The following ROBO2 variants were observed in gnomAD, a reference collection of about 807,000 sequenced individuals.
ROBO2 encodes the protein roundabout guidance receptor 2.
In ROBO2, 53 loss-of-function variants were observed where a neutral mutation model predicts 160.8. The ratio of observed to expected loss-of-function variants is 0.33; its 90% CI spans 0.26 to 0.41. The LOEUF (loss-of-function observed/expected upper bound fraction) is 0.41, where lower values mean the gene tolerates loss of function less well. Ranked by LOEUF, ROBO2 falls within the 10% of genes least tolerant of loss-of-function variation. The pLI, the probability that ROBO2 is intolerant of heterozygous loss-of-function variation, is 1.00. For synonymous variants in ROBO2, 664 were observed against 611.7 expected, an observed-to-expected ratio of 1.09 and a Z score of -1.26; for missense variants, 1,577 against 1,722.4, an observed-to-expected ratio of 0.92 and a Z score of 1.49.
At chr3:76,870,334 A>G (rs2071892725) in intron 2 of ROBO2, among the ~76,000 whole-genome samples, 2 of 152,228 alleles carry the variant, frequency 1.3e-5, no homozygotes, top group African/African-American at 4.8e-5. Flanking sequence ...ATTTAAAATC[A>G]TAAATTCACA....
At chr3:76,131,086 T>A (rs1336072323) in intron 2 of ROBO2, among the ~76,000 whole-genome samples, 1 of 152,188 alleles carries the variant, frequency 6.6e-6, no homozygotes, top group Non-Finnish European at 1.5e-5. Context: ...TTGTTACATT[T>A]ATAAAGACTG....
chr3:76,316,630 G>T (rs1262789877), intron 2 of ROBO2, among the ~76,000 whole-genome samples: 2 of 152,138 alleles, frequency 1.3e-5, no homozygotes, highest in Non-Finnish European at 1.5e-5. Context: ...CGCAGCTCAT[G>T]AAGTTAACAG....
intron 2 of ROBO2, among the ~76,000 whole-genome samples, chr3:76,894,013 T>G (rs1029703342): frequency 6.6e-6 from 1 of 152,154 alleles, no homozygotes; most frequent in Non-Finnish European, 1.5e-5. Context: ...CTAACTGATA[T>G]GGAAAAGTTT....
At chr3:76,366,233 G>A (rs1215672320) in intron 2 of ROBO2, among the ~76,000 whole-genome samples, 1 of 151,920 alleles carries the variant, frequency 6.6e-6, no homozygotes, top group African/African-American at 2.4e-5. Flanking sequence ...ATTTAAGGTG[G>A]AATACTCCTC....
At chr3:77,231,856 G>A (rs967426195) in intron 2 of ROBO2, among the ~76,000 whole-genome samples, 5 of 152,046 alleles carry the variant, frequency 3.3e-5, no homozygotes, top group Admixed American at 1.3e-4. Context: ...TTAAGAATCT[G>A]GCCTCTATCC....
chr3:77,456,151 CAT>C (rs1553964611), intron 2 of ROBO2, among the ~76,000 whole-genome samples: 4 of 152,090 alleles, frequency 2.6e-5, no homozygotes, highest in Non-Finnish European at 5.9e-5. Context: ...GAAAACCACA[CAT>C]AAATAGAACT....
chr3:76,256,412 T>A (rs1200249596), intron 2 of ROBO2, among the ~76,000 whole-genome samples: 1 of 148,114 alleles, frequency 6.8e-6, no homozygotes, highest in Non-Finnish European at 1.5e-5. Flanking sequence ...GATTAAATTG[T>A]ATTAATTAGT....
intron 2 of ROBO2, among the ~76,000 whole-genome samples, chr3:76,437,771 T>C (rs2076752006): frequency 6.6e-6 from 1 of 152,160 alleles, no homozygotes; most frequent in Non-Finnish European, 1.5e-5. Context: ...AAAAAGGTGA[T>C]ATTGCTTCTA....
At chr3:77,558,241 C>G in intron 9 of ROBO2, 92 bp downstream of exon 10, 1 of 992,552 alleles carries the variant, frequency 1.0e-6, no homozygotes, top group Non-Finnish European at 1.6e-6. Context: ...ATCTTACATC[C>G]TAGTATAATT....
At chr3:77,240,369 C>A (rs1045514578) in intron 2 of ROBO2, among the ~76,000 whole-genome samples, 1 of 152,160 alleles carries the variant, frequency 6.6e-6, no homozygotes, top group Non-Finnish European at 1.5e-5. Context: ...CAGTGCCAGT[C>A]GCCCGCTCCG....
intron 8 of ROBO2, among the ~76,000 whole-genome samples, chr3:77,551,417 C>T (rs889072168): frequency 6.6e-6 from 1 of 151,892 alleles, no homozygotes; most frequent in African/African-American, 2.4e-5. Flanking sequence ...TTAGGACATT[C>T]CTATGATTTT....
intron 2 of ROBO2, among the ~76,000 whole-genome samples, chr3:76,922,807 T>C (rs570263694): frequency 6.6e-6 from 1 of 152,190 alleles, no homozygotes; most frequent in East Asian, 1.9e-4. Flanking sequence ...TGTAAAGGCC[T>C]CGTGCTCCAC....
chr3:77,020,170 A>G (rs904852533), intron 2 of ROBO2, among the ~76,000 whole-genome samples: 1 of 152,244 alleles, frequency 6.6e-6, no homozygotes, highest in Admixed American at 6.5e-5. Context: ...TTGAGAAAAT[A>G]CTTTAGAAAT....
intron 2 of ROBO2, among the ~76,000 whole-genome samples, chr3:77,358,308 G>A (rs2069423065): frequency 6.6e-6 from 1 of 152,136 alleles, no homozygotes. Context: ...TCCTTCCTCT[G>A]TTCTCTCATT....
chr3:77,154,560 C>T (rs375732031), intron 2 of ROBO2, among the ~76,000 whole-genome samples: 3 of 151,904 alleles, frequency 2.0e-5, no homozygotes, highest in African/African-American at 7.3e-5. Context: ...AACCAAAAGG[C>T]GCATGCACTG....
chr3:76,470,809 C>G (rs571801309), intron 2 of ROBO2, among the ~76,000 whole-genome samples: 87 of 152,130 alleles, frequency 5.7e-4, no homozygotes, highest in African/African-American at 1.9e-3. Context: ...TGTTACTTCA[C>G]GTAACATACA....
At chr3:76,130,757 TA>T (rs2071193253) in intron 2 of ROBO2, among the ~76,000 whole-genome samples, 1 of 152,148 alleles carries the variant, frequency 6.6e-6, no homozygotes, top group Admixed American at 6.6e-5. Context: ...ATTCATGTTC[TA>T]AAAAAATTAG....
chr3:77,457,235 A>G (rs979700581), intron 2 of ROBO2, among the ~76,000 whole-genome samples: 12 of 152,142 alleles, frequency 7.9e-5, no homozygotes, highest in African/African-American at 2.9e-4. Flanking sequence ...TGTCAGAAAC[A>G]GGTGATTTTG....
In ROBO2 at chr3:76,748,630, C is replaced by A. The variant is rs533907008; in HGVS notation, c.110-349384C>A. 2.0e-5 allele frequency among the ~76,000 whole-genome samples: 3 copies of A among 151,682 alleles called. No individual in the cohort carries two copies. The South Asian group carries it at 6.2e-4, about 31-fold the overall frequency. The stretch of plus-strand genomic sequence containing the variant: ...ATTTAATTTAAATGGGACTTAAAGA[C>A]AAATTAAAACAAGTGGGTACATTTT... On this transcript the variant is annotated intron_variant, in intron 2 of 26. Coordinates refer to the ROBO2 transcript ENST00000487694.
Sources: allele counts gnomAD v4.1 joint callset (sites outside exome capture counted in the v4.1 genomes callset), GRCh38; gene constraint gnomAD v4.1.1; transcripts MANE v1.5; gene names NCBI Gene and HGNC (gene_info 2026-07-23, HGNC 2026-07-21).